The following LRP1B variants were observed in gnomAD, a reference collection of about 807,000 sequenced individuals.
LRP1B encodes LDL receptor related protein 1B.
LRP1B carries 217 observed loss-of-function variants against 556.6 expected under a neutral mutation model. The observed-to-expected ratio is 0.39, with a 90% CI of 0.35 to 0.44. LRP1B has a LOEUF of 0.44. Ranked by LOEUF, LRP1B falls within the 20% of genes least tolerant of loss-of-function variation. The probability of loss-of-function intolerance (pLI) is 1.00; values close to 1 mark genes in which losing one functional copy is unlikely to be tolerated. For synonymous variants in LRP1B, 2,047 were observed against 1,865.8 expected, an observed-to-expected ratio of 1.10 and a Z score of -2.50; for missense variants, 5,053 against 5,620.8, an observed-to-expected ratio of 0.90 and a Z score of 3.23.
chr2:140,854,402 T>C (rs984453307), intron 27 of LRP1B, among the ~76,000 whole-genome samples: 2 of 152,200 alleles, frequency 1.3e-5, no homozygotes, highest in Admixed American at 1.3e-4. Flanking sequence ...AACACTGTAA[T>C]GTATAATTCA....
At chr2:141,013,808 TAGAG>T (rs1697824254) in intron 13 of LRP1B, 63 bp from the exon 14 acceptor site, 2 of 934,426 alleles carry the variant, frequency 2.1e-6, no homozygotes, top group Non-Finnish European at 1.5e-6. Context: ...ACTAGATATT[TAGAG>T]AAAGTGATAT....
intron 2 of LRP1B, among the ~76,000 whole-genome samples, chr2:141,584,908 C>A (rs568079767): frequency 2.0e-5 from 3 of 152,000 alleles, no homozygotes; most frequent in East Asian, 3.9e-4. Context: ...GGGAGAGATG[C>A]GGAGTTGTTG....
intron 20 of LRP1B, among the ~76,000 whole-genome samples, chr2:140,936,221 T>C (rs1026589991): frequency 1.3e-5 from 2 of 150,890 alleles, no homozygotes; most frequent in African/African-American, 4.9e-5. Context: ...ACATTTGTAA[T>C]CTCAGCTACT....
chr2:141,131,519 C>T (rs1020727562), intron 7 of LRP1B, among the ~76,000 whole-genome samples: 5 of 149,562 alleles, frequency 3.3e-5, no homozygotes, highest in African/African-American at 1.2e-4. Context: ...ATAAATGATA[C>T]TCTCTTTTTT....
At chr2:141,586,780 A>C (rs1322221130) in intron 2 of LRP1B, among the ~76,000 whole-genome samples, 1 of 152,026 alleles carries the variant, frequency 6.6e-6, no homozygotes, top group African/African-American at 2.4e-5. Context: ...GTCTCTACTA[A>C]AAACACAAAA....
intron 2 of LRP1B, among the ~76,000 whole-genome samples, chr2:141,757,270 T>G (rs573411770): frequency 6.6e-6 from 1 of 152,198 alleles, no homozygotes; most frequent in African/African-American, 2.4e-5. Flanking sequence ...ATTGGTAATT[T>G]GATGCCACAT....
chr2:140,840,138 G>A (rs2105095480), intron 30 of LRP1B, 53 bp from the exon 31 acceptor site: 1 of 986,500 alleles, frequency 1.0e-6, no homozygotes, highest in Non-Finnish European at 1.5e-6. Context: ...CCTACTCACT[G>A]AGAAGAAATA....
At chr2:141,796,578 C>CTTTTTTTTTTT (rs75317117) in intron 2 of LRP1B, among the ~76,000 whole-genome samples, 12 of 127,540 alleles carry the variant, frequency 9.4e-5, no homozygotes, top group East Asian at 4.7e-4. Context: ...GCATTTTATT[C>CTTTTTTTTTTT]TTTTTTTTTT....
intron 16 of LRP1B, among the ~76,000 whole-genome samples, chr2:140,992,991 A>T (rs189952762): frequency 6.6e-6 from 1 of 152,150 alleles, no homozygotes; most frequent in Admixed American, 6.6e-5. Context: ...ACAATTTGAA[A>T]ATATTTTTTA....
intron 2 of LRP1B, among the ~76,000 whole-genome samples, chr2:141,594,484 C>T (rs1241411769): frequency 6.6e-6 from 1 of 152,142 alleles, no homozygotes; most frequent in Non-Finnish European, 1.5e-5. Context: ...AAAGATTTCT[C>T]ATTCACTAAT....
chr2:140,252,254 T>C (rs570896757), intron 86 of LRP1B, among the ~76,000 whole-genome samples: 2 of 151,942 alleles, frequency 1.3e-5, no homozygotes, highest in African/African-American at 4.8e-5. Flanking sequence ...AATTATTTCA[T>C]GTGTACATAA....
At chr2:141,652,612 T>A (rs1689841217) in intron 2 of LRP1B, among the ~76,000 whole-genome samples, 1 of 152,214 alleles carries the variant, frequency 6.6e-6, no homozygotes. Context: ...TTTTTCTATC[T>A]GTCATTCTGA....
chr2:140,398,230 T>C (rs1310252533), intron 66 of LRP1B, among the ~76,000 whole-genome samples: 1 of 152,102 alleles, frequency 6.6e-6, no homozygotes, highest in Non-Finnish European at 1.5e-5. Context: ...GAAAATTTTA[T>C]CTAAATTATT....
intron 1 of LRP1B, among the ~76,000 whole-genome samples, chr2:142,078,168 G>A (rs1705579514): frequency 6.6e-6 from 1 of 152,082 alleles, no homozygotes; most frequent in Non-Finnish European, 1.5e-5. Context: ...TTAGTCTGGT[G>A]CTTGGGGCTC....
intron 18 of LRP1B, among the ~76,000 whole-genome samples, chr2:140,954,238 T>A (rs1197941226): frequency 2.6e-5 from 4 of 152,156 alleles, no homozygotes; most frequent in Non-Finnish European, 5.9e-5. Flanking sequence ...CTTAGATAGA[T>A]AATAACTGTT....
At chr2:141,377,737 C>A (rs1034277706) in intron 3 of LRP1B, among the ~76,000 whole-genome samples, 4 of 151,764 alleles carry the variant, frequency 2.6e-5, no homozygotes, top group Non-Finnish European at 5.9e-5. Flanking sequence ...TATTACATTT[C>A]TTTTAAATTA....
chr2:141,956,301 T>C (rs996821484), intron 1 of LRP1B, among the ~76,000 whole-genome samples: 4 of 152,154 alleles, frequency 2.6e-5, no homozygotes, highest in African/African-American at 7.2e-5. Context: ...TTAATGTTTG[T>C]TGTATCTCAT....
chr2:140,876,546 CA>C (rs1231227209), intron 25 of LRP1B, among the ~76,000 whole-genome samples: 1 of 152,116 alleles, frequency 6.6e-6, no homozygotes, highest in East Asian at 1.9e-4. Flanking sequence ...AAGCCCCTTG[CA>C]AAAACTGACC....
chr2:141,401,561 T>G (rs1690454728), intron 3 of LRP1B, among the ~76,000 whole-genome samples: 1 of 152,204 alleles, frequency 6.6e-6, no homozygotes, highest in South Asian at 2.1e-4. Flanking sequence ...CATTTGCTTC[T>G]GCTAGCAATG....
Sources: allele counts gnomAD v4.1 joint callset (sites outside exome capture counted in the v4.1 genomes callset), GRCh38; gene constraint gnomAD v4.1.1; transcripts MANE v1.5; gene names NCBI Gene and HGNC (gene_info 2026-07-23, HGNC 2026-07-21).